Variants in NIN observed in about 807,000 individuals in gnomAD.
The protein encoded by NIN is ninein, also known as glycogen synthase kinase 3 beta-interacting protein.
In NIN, 137 loss-of-function variants were observed where a neutral mutation model predicts 257.6. The observed-to-expected ratio is 0.53, with a 90% CI of 0.46 to 0.61. The LOEUF is 0.61. Among genes scored for constraint, NIN ranks in the 20% least tolerant of loss-of-function variants. The pLI, the probability that NIN is intolerant of heterozygous loss-of-function variation, is 0.00. For synonymous variants in NIN, 918 were observed against 919.8 expected (o/e 1.00, Z 0.04); for missense variants, 2,439 against 2,501.2 (o/e 0.98, Z 0.53).
At chr14:50,772,494 A>C (rs764213008) in intron 8 of NIN, 26 bp from the exon 9 acceptor site, 1 of 1,610,246 alleles carries the variant, frequency 6.2e-7, no homozygotes, top group Admixed American at 1.7e-5. Context: ...GACTTGAGTA[A>C]GCCTAGCTTG....
chr14:50,803,138 G>C (rs1434963478), intron 4 of NIN, among the ~76,000 whole-genome samples: 1 of 152,146 alleles, frequency 6.6e-6, no homozygotes, highest in Admixed American at 6.5e-5. Flanking sequence ...TAGATCACAA[G>C]GTCAGGAGTT....
chr14:50,757,950 G>T lies in NIN; in HGVS notation c.3080C>A (p.Ser1027Tyr), dbSNP rs974951849. The change falls in exon 18 of 31, where the codon TCT becomes TAT. Residue 1027 changes from serine to tyrosine, a missense_variant. Physicochemically the swap from Ser to Tyr is moderately radical, Grantham distance 144. This residue lies in a region of NIN where 2,043 missense variants were observed against 2,050.2 expected (regional missense o/e 1.00). Coordinates refer to ENST00000530997, the MANE Select transcript of NIN (RefSeq NM_020921.4). ...SKIKEMQQATSPLSMLQSGCQ... is the reference protein window; with the variant it reads ...SKIKEMQQATYPLSMLQSGCQ... ...ACCACTCTGAAGCATTGAGAGAGGAGATGTTGCCTGCTGCATTTCCTTTAT... is the reference window on the plus strand; with the variant it reads ...ACCACTCTGAAGCATTGAGAGAGGATATGTTGCCTGCTGCATTTCCTTTAT... 6.2e-7 allele frequency: 1 copy of T among 1,614,062 alleles called. No homozygotes were observed. The highest frequency in any genetic ancestry group is 1.3e-5 in the African/African-American group (1 of 74,934).
chr14:50,781,438 T>C lies in NIN; in HGVS notation c.436-2634A>G, dbSNP rs150070156. Among the ~76,000 whole-genome samples the C allele has an allele frequency of 3.3e-5, 5 of 152,358 alleles. No individual in the cohort carries two copies. The East Asian group carries it at 9.6e-4, about 29-fold the overall frequency. On this transcript the variant is annotated intron_variant, in intron 5 of 30. Coordinates refer to ENST00000530997, the MANE Select transcript of NIN (RefSeq NM_020921.4). ...CTGGCTCATTTACTTCTCAGTTCAT[T>C]TGAAAATAGTGAGCACAGAATTCAA... is the stretch of plus-strand genomic sequence containing the variant.
At chr14:50,814,330 G>C (rs2044778589) in intron 3 of NIN, among the ~76,000 whole-genome samples, 1 of 152,112 alleles carries the variant, frequency 6.6e-6, no homozygotes, top group Non-Finnish European at 1.5e-5. Flanking sequence ...ATCATTACTA[G>C]GAAGTCACTA....
intron 18 of NIN, 81 bp downstream of exon 18, chr14:50,756,411 T>C (rs2042028685): frequency 6.8e-7 from 1 of 1,462,008 alleles, no homozygotes; most frequent in South Asian, 1.4e-5. Flanking sequence ...GGTTAGTTTC[T>C]CTAGGCACGG....
chr14:50,737,366 AACTGCAGGCCTGGCCAACATGTAG>A (rs1278770437), intron 27 of NIN, among the ~76,000 whole-genome samples: 1 of 152,090 alleles, frequency 6.6e-6, no homozygotes, highest in Non-Finnish European at 1.5e-5. Context: ...GCGTTCGGGT[AACTGCAGGCCTGGCCAACATGTAG>A]ACTGCATCCT....
chr14:50,746,552 T>C lies in NIN; in HGVS notation c.5064+1440A>G, dbSNP rs185330686. 1.7e-4 allele frequency among the ~76,000 whole-genome samples: 26 copies of C among 152,310 alleles called. No individual in the cohort carries two copies. The East Asian group carries it at 4.6e-3, about 27-fold the overall frequency. ...TAAACATAATACCAGATTTATAGAC[T>C]CAATGTTTCCACATTCAGGAAAGGA... On this transcript the variant is annotated intron_variant, in intron 22 of 30. Coordinates refer to ENST00000530997, the MANE Select transcript of NIN (RefSeq NM_020921.4).
In NIN at chr14:50,734,386, C is replaced by T. The variant is rs543606592; in HGVS notation, c.5877+1130G>A. On this transcript the variant is annotated intron_variant, in intron 28 of 30. Coordinates refer to ENST00000530997, the MANE Select transcript of NIN (RefSeq NM_020921.4). ...GGATTACAGGGGTAAGCCACTGCGC[C>T]CGGCCCCATTTCTTCTTATAATTCT... is the stretch of plus-strand genomic sequence containing the variant. 8.5e-5 allele frequency among the ~76,000 whole-genome samples: 13 copies of T among 152,218 alleles called. No homozygotes were observed. In the East Asian group the frequency reaches 2.5e-3, roughly 30 times the overall value.
At chr14:50,804,773 C>T (rs2044247290) in intron 4 of NIN, among the ~76,000 whole-genome samples, 1 of 151,612 alleles carries the variant, frequency 6.6e-6, no homozygotes, top group African/African-American at 2.4e-5. Context: ...TACGCTAACA[C>T]TAATGATTGC....
intron 2 of NIN, chr14:50,823,208 G>T (rs17122945): frequency 2.6e-5 from 15 of 567,528 alleles, no homozygotes; most frequent in South Asian, 2.1e-4. Flanking sequence ...TGGATTTTCC[G>T]ATGAAAGCCT....
intron 17 of NIN, among the ~76,000 whole-genome samples, chr14:50,759,051 A>G (rs1449510407): frequency 6.6e-6 from 1 of 152,248 alleles, no homozygotes; most frequent in African/African-American, 2.4e-5. Context: ...ATATGAACAA[A>G]TTCATTCTGC....
chr14:50,763,688 C>T, intron 15 of NIN, 138 bp downstream of exon 15: 1 of 678,616 alleles, frequency 1.5e-6, no homozygotes, highest in Non-Finnish European at 2.4e-6. Context: ...AGTGAAACAG[C>T]TCAAGAAAAG....
Position 50,727,745 on chromosome 14 carries a change from G to C in NIN, c.6079-1679C>G, listed in dbSNP as rs2040481909. 2.1e-6 allele frequency: 3 copies of C among 1,425,030 alleles called. No individual in the cohort carries two copies. The African/African-American group carries it at 4.3e-5, about 20-fold the overall frequency. The allele number at this position is 1,425,030 out of a possible 1,614,324, so 88.3% of individuals were successfully genotyped here. A position where few individuals can be genotyped will look rare whatever the true frequency, so the allele number is the denominator to read the frequency against. On this transcript the variant is annotated intron_variant, in intron 29 of 30. Coordinates refer to ENST00000530997, the MANE Select transcript of NIN (RefSeq NM_020921.4). ...GCGTGCACTGCTCGCTGCTCCGGTAGCAAGGCCTAGAGAAAGAAGGCAAGT... is the reference window on the plus strand; with the variant it reads ...GCGTGCACTGCTCGCTGCTCCGGTACCAAGGCCTAGAGAAAGAAGGCAAGT...
chr14:50,812,799 C>T (rs899753943), intron 3 of NIN, among the ~76,000 whole-genome samples: 1 of 152,164 alleles, frequency 6.6e-6, no homozygotes, highest in Non-Finnish European at 1.5e-5. Context: ...AAAAGGGGCT[C>T]TATAAAAGAT....
chr14:50,810,369 C>T (rs2044536383), intron 3 of NIN, among the ~76,000 whole-genome samples: 1 of 152,138 alleles, frequency 6.6e-6, no homozygotes, highest in Admixed American at 6.5e-5. Flanking sequence ...AAGACAGGGG[C>T]ACTCCAAGCT....
At chr14:50,778,686 A>C in intron 6 of NIN, 79 bp downstream of exon 6, 14 of 1,227,888 alleles carry the variant, frequency 1.1e-5, no homozygotes, top group Non-Finnish European at 1.7e-5. Flanking sequence ...CTGCAGCATA[A>C]GAGATCAGAA....
intron 29 of NIN, chr14:50,727,110 A>T: frequency 3.2e-6 from 1 of 313,350 alleles, no homozygotes. Flanking sequence ...ATAGCTTTTT[A>T]AAGTTCAAAC....
rs555823254 is a variant in NIN, at chr14:50,772,181, C to A, written c.981+120G>T. ...AAAAAGTTACCTTTTATCTTTGAGA[C>A]TTTGTGAACAGAAGTACCATTAAGA... On this transcript the variant is annotated intron_variant, in intron 9 of 30. Transcript: ENST00000530997. 3.8e-5 allele frequency: 36 copies of A among 949,656 alleles called. No individual in the cohort carries two copies. The African/African-American group carries it at 5.9e-4, about 16-fold the overall frequency. 58.8% of individuals were successfully genotyped at this position (949,656 alleles called of 1,614,324 possible).
chr14:50,744,713 AG>A (rs753803920), intron 22 of NIN, among the ~76,000 whole-genome samples: 35 of 152,098 alleles, frequency 2.3e-4, no homozygotes, highest in Non-Finnish European at 4.7e-4. Flanking sequence ...CAAGGTGGGG[AG>A]GATCACTTGA....
Sources: allele counts gnomAD v4.1 joint callset (sites outside exome capture counted in the v4.1 genomes callset), GRCh38; gene constraint gnomAD v4.1.1; regional missense constraint gnomAD v4.1.1; transcripts MANE v1.5; gene names NCBI Gene and HGNC (gene_info 2026-07-23, HGNC 2026-07-21).